AP3B1: variants seen among roughly 807,000 people sequenced by gnomAD.
The protein encoded by AP3B1 is adaptor related protein complex 3 subunit beta 1, also known as AP-3 complex subunit beta-1.
Under a neutral mutation model 132.5 loss-of-function variants are expected in AP3B1, and 61 were observed. The observed-to-expected ratio is 0.46, with a 90% CI of 0.37 to 0.57. The LOEUF is 0.57. AP3B1 is among the 20% of genes least tolerant of loss of function. The pLI is 0.00. For synonymous variants in AP3B1, 388 were observed against 438.3 expected (o/e 0.89, Z 1.43); for missense variants, 1,120 against 1,289.4 (o/e 0.87, Z 2.01).
intron 7 of AP3B1, among the ~76,000 whole-genome samples, chr5:78,215,157 T>C (rs529381130): frequency 4.7e-4 from 71 of 152,178 alleles, no homozygotes; most frequent in Middle Eastern, 6.8e-3. Context: ...TCAAGGCCTG[T>C]CATAAGTATG....
intron 14 of AP3B1, among the ~76,000 whole-genome samples, chr5:78,148,970 C>T (rs907699162): frequency 2.3e-4 from 35 of 152,132 alleles, no homozygotes; most frequent in Non-Finnish European, 4.3e-4. Context: ...GATAGGAATG[C>T]TAGATGTCCA....
At chr5:78,252,331 C>T (rs768957533) in intron 2 of AP3B1, among the ~76,000 whole-genome samples, 4 of 152,096 alleles carry the variant, frequency 2.6e-5, no homozygotes, top group Non-Finnish European at 5.9e-5. Flanking sequence ...CTCTGCCTTG[C>T]CCCCTAGGTA....
At chr5:78,160,078 A>C (rs1409840093) in intron 13 of AP3B1, among the ~76,000 whole-genome samples, 2 of 152,198 alleles carry the variant, frequency 1.3e-5, no homozygotes, top group African/African-American at 4.8e-5. Context: ...CTGGCAAGAG[A>C]GTAAGTGGTC....
intron 22 of AP3B1, among the ~76,000 whole-genome samples, chr5:78,080,307 C>T (rs1016372419): frequency 3.9e-5 from 6 of 152,174 alleles, no homozygotes; most frequent in African/African-American, 1.4e-4. Flanking sequence ...CTGTGCCCAG[C>T]CTGTGATGTT....
At chr5:78,019,721 G>C (rs1168016691) in intron 25 of AP3B1, among the ~76,000 whole-genome samples, 1 of 151,888 alleles carries the variant, frequency 6.6e-6, no homozygotes, top group Non-Finnish European at 1.5e-5. Context: ...TTTTCTTTTT[G>C]ACATTGTGAA....
At chr5:78,103,281 G>A (rs1382382268) in intron 20 of AP3B1, among the ~76,000 whole-genome samples, 1 of 152,126 alleles carries the variant, frequency 6.6e-6, no homozygotes, top group East Asian at 1.9e-4. Flanking sequence ...ATTCATCTTG[G>A]TAATAGAGAC....
chr5:78,089,832 A>G (rs1285291363), intron 21 of AP3B1, among the ~76,000 whole-genome samples: 3 of 152,120 alleles, frequency 2.0e-5, no homozygotes, highest in Admixed American at 6.5e-5. Context: ...TTTTTTCCAG[A>G]CTATCATAAG....
At chr5:78,117,601 C>T (rs556117485) in intron 17 of AP3B1, among the ~76,000 whole-genome samples, 4 of 152,192 alleles carry the variant, frequency 2.6e-5, no homozygotes, top group South Asian at 2.1e-4. Flanking sequence ...TGAGCCACCA[C>T]GTCCAGCCTA....
chr5:78,236,756 A>C lies in AP3B1; in HGVS notation c.279+4106T>G, dbSNP rs553302020. Among the ~76,000 whole-genome samples the C allele has an allele frequency of 8.5e-5, 13 of 152,296 alleles. 1 individual carries two copies. In the South Asian group the frequency reaches 2.3e-3, roughly 27 times the overall value. On this transcript the variant is annotated intron_variant, in intron 3 of 26. Coordinates refer to ENST00000255194, the MANE Select transcript of AP3B1 (RefSeq NM_003664.5). ...AGAGACTCTATTCCTGATAATACTAAGACAAGCTTCACCTATGCCTCATAA... is the reference window on the plus strand; with the variant it reads ...AGAGACTCTATTCCTGATAATACTACGACAAGCTTCACCTATGCCTCATAA...
chr5:78,228,979 GT>G (rs1746514872), intron 3 of AP3B1, among the ~76,000 whole-genome samples: 1 of 152,142 alleles, frequency 6.6e-6, no homozygotes, highest in Non-Finnish European at 1.5e-5. Context: ...GTCGCACAGG[GT>G]GCAGTGCAAT....
chr5:78,284,211 T>A lies in AP3B1; in HGVS notation c.128+10241A>T, dbSNP rs371206098. On this transcript the variant is annotated intron_variant, in intron 1 of 26. Coordinates refer to ENST00000255194, the MANE Select transcript of AP3B1 (RefSeq NM_003664.5). ...TTTAATTAAATTAAATTTAAATAGC[T>A]ACATTTGGCTAGTTGCTACTATATT... is the stretch of plus-strand genomic sequence containing the variant. Among the ~76,000 whole-genome samples, 149 of 152,340 alleles carry A rather than the reference T, an allele frequency of 9.8e-4. 5 individuals carry two copies. The South Asian group carries it at 0.03, about 31-fold the overall frequency.
chr5:78,122,473 A>T (rs986672277), intron 17 of AP3B1, among the ~76,000 whole-genome samples: 2 of 152,242 alleles, frequency 1.3e-5, no homozygotes, highest in African/African-American at 4.8e-5. Flanking sequence ...AAATCTCCTT[A>T]AGCTGATAAG....
intron 3 of AP3B1, among the ~76,000 whole-genome samples, chr5:78,229,999 C>T (rs1746576064): frequency 6.6e-6 from 1 of 152,098 alleles, no homozygotes; most frequent in Admixed American, 6.6e-5. Flanking sequence ...TTCCTAAACT[C>T]ACTCCAATTT....
intron 13 of AP3B1, among the ~76,000 whole-genome samples, 189 bp downstream of exon 13, chr5:78,162,630 T>C (rs928719510): frequency 2.0e-5 from 3 of 146,426 alleles, no homozygotes; most frequent in Non-Finnish European, 4.5e-5. Flanking sequence ...CCTATTTTAC[T>C]AAAAAAAAAA....
At chr5:78,096,059 G>T (rs562159914) in intron 21 of AP3B1, among the ~76,000 whole-genome samples, 1 of 152,064 alleles carries the variant, frequency 6.6e-6, no homozygotes, top group Non-Finnish European at 1.5e-5. Flanking sequence ...CTCTGATGCC[G>T]AGCTGAAGCT....
chr5:78,060,332 G>A (rs1748989809), intron 22 of AP3B1, among the ~76,000 whole-genome samples: 1 of 152,210 alleles, frequency 6.6e-6, no homozygotes, highest in African/African-American at 2.4e-5. Context: ...TGTGAGAAAA[G>A]TGGAACCACA....
intron 25 of AP3B1, among the ~76,000 whole-genome samples, chr5:78,016,317 T>C (rs1321822202): frequency 6.6e-6 from 1 of 152,064 alleles, no homozygotes; most frequent in East Asian, 1.9e-4. Context: ...GACATGCCAT[T>C]AATATCCAGA....
At chr5:78,225,721 T>C (rs1746373752) in intron 5 of AP3B1, 113 bp from the exon 6 acceptor site, 1 of 659,672 alleles carries the variant, frequency 1.5e-6, no homozygotes, top group Non-Finnish European at 2.7e-6. Flanking sequence ...AGAGCAAGAA[T>C]TATAAGTTAG....
At chr5:78,216,367 A>T (rs1046931575) in intron 6 of AP3B1, 130 bp from the exon 7 acceptor site, 1 of 877,872 alleles carries the variant, frequency 1.1e-6, no homozygotes, top group Admixed American at 2.1e-5. Context: ...ATTAAAATGA[A>T]TGTTCATGTT....
Sources: allele counts gnomAD v4.1 joint callset (sites outside exome capture counted in the v4.1 genomes callset), GRCh38; gene constraint gnomAD v4.1.1; transcripts MANE v1.5; gene names NCBI Gene and HGNC (gene_info 2026-07-23, HGNC 2026-07-21).